The following TBC1D22A variants were observed in gnomAD, a reference collection of about 807,000 sequenced individuals.
TBC1D22A encodes the protein TBC1 domain family member 22A, also known as putative GTPase activator.
In TBC1D22A, 38 loss-of-function variants were observed where a neutral mutation model predicts 60.2. That is an observed-to-expected ratio of 0.63 (90% CI 0.49 to 0.83). The LOEUF (loss-of-function observed/expected upper bound fraction) is 0.83, where lower values mean the gene tolerates loss of function less well. TBC1D22A is among the 40% of genes least tolerant of loss of function. The probability of loss-of-function intolerance (pLI) is 0.00; values close to 1 mark genes in which losing one functional copy is unlikely to be tolerated. For missense variants in TBC1D22A, 628 were observed against 701.0 expected, an observed-to-expected ratio of 0.90 and a Z score of 1.18; for synonymous variants, 302 against 281.7, an observed-to-expected ratio of 1.07 and a Z score of -0.72.
At chr22:47,081,769 AAAC>A (rs1355472839) in intron 11 of TBC1D22A, among the ~76,000 whole-genome samples, 4 of 152,252 alleles carry the variant, frequency 2.6e-5, no homozygotes, top group African/African-American at 9.6e-5. Context: ...TTTACACTAA[AAAC>A]TGCAAGACAG....
intron 4 of TBC1D22A, among the ~76,000 whole-genome samples, chr22:46,833,142 G>A (rs1289867112): frequency 1.3e-5 from 2 of 152,218 alleles, no homozygotes; most frequent in African/African-American, 4.8e-5. Flanking sequence ...AGATACATAT[G>A]AGTTAATCTC....
intron 12 of TBC1D22A, among the ~76,000 whole-genome samples, chr22:47,137,828 T>G: frequency 6.7e-6 from 1 of 149,070 alleles, no homozygotes; most frequent in Admixed American, 6.7e-5. Context: ...GAGTGGAGAG[T>G]AGGGAGTGGG....
chr22:46,881,964 C>T (rs991868740), intron 5 of TBC1D22A, among the ~76,000 whole-genome samples: 1 of 152,210 alleles, frequency 6.6e-6, no homozygotes, highest in Non-Finnish European at 1.5e-5. Context: ...ATGTGCTGCT[C>T]ACACATCTGC....
chr22:46,969,699 A>T (rs752590328), intron 8 of TBC1D22A, among the ~76,000 whole-genome samples: 2 of 152,054 alleles, frequency 1.3e-5, no homozygotes, highest in Non-Finnish European at 2.9e-5. Flanking sequence ...TGCACTCGCC[A>T]TCCCACCACC....
chr22:46,934,753 C>T (rs760670426), intron 8 of TBC1D22A, among the ~76,000 whole-genome samples: 4 of 152,078 alleles, frequency 2.6e-5, no homozygotes, highest in African/African-American at 7.3e-5. Context: ...CAATGCGTGC[C>T]GCCCCCGCTC....
At chr22:46,778,411 T>C (rs2083792636) in intron 1 of TBC1D22A, among the ~76,000 whole-genome samples, 1 of 152,206 alleles carries the variant, frequency 6.6e-6, no homozygotes, top group African/African-American at 2.4e-5. Context: ...ATATTTTTCT[T>C]TATATCCTGA....
At chr22:47,159,072 C>G in intron 12 of TBC1D22A, among the ~76,000 whole-genome samples, 1 of 148,724 alleles carries the variant, frequency 6.7e-6, no homozygotes, top group African/African-American at 2.5e-5. Context: ...AGACACCACA[C>G]ACAACACACA....
chr22:46,904,134 T>TACCTACCTACCTAC (rs1555937381), intron 7 of TBC1D22A, among the ~76,000 whole-genome samples: 1 of 66,510 alleles, frequency 1.5e-5, no homozygotes, highest in African/African-American at 7.4e-5. Flanking sequence ...TATCTATCTA[T>TACCTACCTACCTAC]CTATCTATCT....
At chr22:46,806,850 C>G (rs149123964) in intron 4 of TBC1D22A, among the ~76,000 whole-genome samples, 2 of 152,136 alleles carry the variant, frequency 1.3e-5, no homozygotes, top group Non-Finnish European at 2.9e-5. Flanking sequence ...TGCTGATCTT[C>G]GGCCAGTCAG....
At chr22:47,012,305 C>G (rs1569335932) in intron 10 of TBC1D22A, among the ~76,000 whole-genome samples, 1 of 152,186 alleles carries the variant, frequency 6.6e-6, no homozygotes, top group Non-Finnish European at 1.5e-5. Flanking sequence ...GTCAGAGGGT[C>G]CTGGGGCTCA....
At chr22:46,879,014 T>C (rs1436621169) in intron 5 of TBC1D22A, among the ~76,000 whole-genome samples, 1 of 152,158 alleles carries the variant, frequency 6.6e-6, no homozygotes, top group Non-Finnish European at 1.5e-5. Context: ...TATAGAAAGG[T>C]TTCAGCATAG....
intron 11 of TBC1D22A, among the ~76,000 whole-genome samples, chr22:47,063,808 T>A (rs906340497): frequency 6.6e-6 from 1 of 152,192 alleles, no homozygotes; most frequent in Non-Finnish European, 1.5e-5. Flanking sequence ...CCAGTCATCC[T>A]CGGCATTCCT....
intron 4 of TBC1D22A, among the ~76,000 whole-genome samples, chr22:46,844,749 T>C (rs1306944725): frequency 6.6e-6 from 1 of 152,198 alleles, no homozygotes; most frequent in African/African-American, 2.4e-5. Context: ...CTTGCAGGCA[T>C]CATAGCAGTT....
intron 11 of TBC1D22A, among the ~76,000 whole-genome samples, chr22:47,086,734 G>A (rs557610166): frequency 3.7e-4 from 57 of 152,308 alleles, no homozygotes; most frequent in African/African-American, 1.3e-3. Context: ...GCAGACAGCC[G>A]GGAGGGGAGC....
intron 8 of TBC1D22A, 47 bp from the exon 9 acceptor site, chr22:46,974,243 C>A: frequency 1.3e-5 from 20 of 1,518,818 alleles, no homozygotes; most frequent in Non-Finnish European, 1.8e-5. Context: ...GGTCGAGGTC[C>A]CGTGTGGCTA....
chr22:46,974,147 G>A (rs1022439061), intron 8 of TBC1D22A, 143 bp from the exon 9 acceptor site: 1 of 645,740 alleles, frequency 1.5e-6, no homozygotes, highest in Non-Finnish European at 2.8e-6. Flanking sequence ...GTGGAAGGCT[G>A]CATGAGTCAT....
At chr22:47,143,951 T>C (rs1311541573) in intron 12 of TBC1D22A, among the ~76,000 whole-genome samples, 1 of 152,226 alleles carries the variant, frequency 6.6e-6, no homozygotes, top group East Asian at 1.9e-4. Context: ...CAGCATCCTG[T>C]GTCCTGCTGG....
intron 8 of TBC1D22A, among the ~76,000 whole-genome samples, chr22:46,963,163 G>A (rs2073604217): frequency 6.6e-6 from 1 of 150,676 alleles, no homozygotes; most frequent in South Asian, 2.1e-4. Context: ...GGAGCTTGCA[G>A]TGAGCCAAGA....
At chr22:47,074,939 A>C (rs768378679) in intron 11 of TBC1D22A, among the ~76,000 whole-genome samples, 18 of 152,142 alleles carry the variant, frequency 1.2e-4, no homozygotes, top group Non-Finnish European at 2.5e-4. Flanking sequence ...TAGAGAACCA[A>C]AGGGCCAGGT....
Sources: allele counts gnomAD v4.1 joint callset (sites outside exome capture counted in the v4.1 genomes callset), GRCh38; gene constraint gnomAD v4.1.1; transcripts MANE v1.5; gene names NCBI Gene and HGNC (gene_info 2026-07-23, HGNC 2026-07-21).